Variants in GPC1 observed in about 807,000 individuals in gnomAD.
GPC1 encodes the protein glypican 1.
Under a neutral mutation model 51.5 loss-of-function variants are expected in GPC1, and 26 were observed. The ratio of observed to expected loss-of-function variants is 0.50; its 90% CI spans 0.37 to 0.70. The LOEUF (loss-of-function observed/expected upper bound fraction) is 0.70. Ranked by LOEUF, GPC1 falls within the 30% of genes least tolerant of loss-of-function variation. The probability of loss-of-function intolerance (pLI) is 0.00; values close to 1 mark genes in which losing one functional copy is unlikely to be tolerated. For synonymous variants in GPC1, 380 were observed against 348.3 expected, an observed-to-expected ratio of 1.09 and a Z score of -1.01; for missense variants, 775 against 800.5, an observed-to-expected ratio of 0.97 and a Z score of 0.38.
intron 1 of GPC1, chr2:240,457,933 G>C: frequency 4.8e-6 from 2 of 415,982 alleles, no homozygotes; most frequent in Non-Finnish European, 1.0e-5. Flanking sequence ...CCACCCCTCT[G>C]ACCAAGCCAG....
intron 2 of GPC1, 114 bp downstream of exon 2, chr2:240,459,302 G>A: frequency 9.6e-7 from 1 of 1,043,632 alleles, no homozygotes; most frequent in Non-Finnish European, 1.4e-6. Flanking sequence ...GGCAGGAGGA[G>A]GTGGGGGAGT....
chr2:240,466,515 GC>G lies in GPC1; in HGVS notation c.*228del, dbSNP rs920194889. On this transcript the variant is annotated 3_prime_UTR_variant, in exon 9 of 9. Coordinates refer to ENST00000264039, the MANE Select transcript of GPC1 (RefSeq NM_002081.3). ...CCTCAGGTCAGCTGGGAGCCAGTGT[GC>G]CCAAAAGCCATGTATTTCAGGGACC... The G allele has an allele frequency of 1.8e-6, 1 of 554,858 alleles. No individual in the cohort carries two copies. The highest frequency in any genetic ancestry group is 3.2e-6 in the Non-Finnish European group (1 of 313,034). The allele number at this position is 554,858 out of a possible 1,614,324, so 34.4% of individuals were successfully genotyped here.
intron 1 of GPC1, chr2:240,449,906 AT>A (rs1424706978): frequency 2.1e-6 from 1 of 470,518 alleles, no homozygotes; most frequent in Non-Finnish European, 4.4e-6. Context: ...GATTAATCCT[AT>A]TCCATTGTAT....
At chr2:240,444,251 C>T (rs1431517419) in intron 1 of GPC1, among the ~76,000 whole-genome samples, 3 of 152,226 alleles carry the variant, frequency 2.0e-5, no homozygotes, top group Non-Finnish European at 2.9e-5. Context: ...GCCTGCTGTC[C>T]TGGCTCCTCC....
chr2:240,449,642 C>T (rs1033023346), intron 1 of GPC1: 2 of 328,148 alleles, frequency 6.1e-6, no homozygotes, highest in Non-Finnish European at 1.2e-5. Context: ...CCGTCACCCC[C>T]ATCCAGCTCC....
At chr2:240,456,239 T>G (rs1304548966) in intron 1 of GPC1, 4 of 250,456 alleles carry the variant, frequency 1.6e-5, no homozygotes, top group South Asian at 3.4e-5. Flanking sequence ...AACCTGCAGG[T>G]GGGGGGAGCT....
In GPC1 at chr2:240,466,043, T is replaced by G. The variant is rs772828834; in HGVS notation, c.1445-15T>G. ...CTGTGGGGACCTGCCTGCCGGAGCC[T>G]CCTCTCCTTCCCAGGTGACGACGGC... is the stretch of plus-strand genomic sequence containing the variant. On this transcript the variant is annotated splice_polypyrimidine_tract_variant and intron_variant, in intron 8 of 8. Transcript: ENST00000264039. The G allele has an allele frequency of 8.3e-6, 13 of 1,573,646 alleles. No individual in the cohort carries two copies. In the East Asian group the frequency reaches 9.0e-5, roughly 11 times the overall value.
chr2:240,450,391 G>A lies in GPC1; in HGVS notation c.167-8639G>A, dbSNP rs142677254. Reference sequence around the variant, plus strand: ...GGCAGGCTGCAGGGTTGGGGAGGCGGGGGATGCTAAGGCTGTTCCTCGTGC... The same window carrying A: ...GGCAGGCTGCAGGGTTGGGGAGGCGAGGGATGCTAAGGCTGTTCCTCGTGC... On this transcript the variant is annotated intron_variant, in intron 1 of 8. Coordinates refer to ENST00000264039, the MANE Select transcript of GPC1 (RefSeq NM_002081.3). 6.7e-3 allele frequency: 2,342 copies of A among 348,664 alleles called. 13 individuals carry two copies. The highest frequency in any genetic ancestry group is 0.012 in the Middle Eastern group (23 of 1,914). 21.6% of individuals were successfully genotyped at this position (348,664 alleles called of 1,614,324 possible). A position where few individuals can be genotyped will look rare whatever the true frequency, so the allele number is the denominator to read the frequency against.
At position 240,436,058 on chromosome 2, in the gene GPC1, G is replaced by A. The variant is rs371651045; in HGVS notation, c.140G>A (p.Ser47Asn). ...TACGGAGCCAAGGGCTTCAGCCTGA[G>A]CGACGTGCCCCAGGCGGAGATCTCG... Reference protein sequence around the residue: ...QIYGAKGFSLSDVPQAEISGE... With the variant: ...QIYGAKGFSLNDVPQAEISGE... The change falls in exon 1 of 9, where the codon AGC (serine) becomes AAC (asparagine). Residue 47 changes from serine to asparagine, a missense_variant. Ser to Asn is a conservative substitution (Grantham distance 46, BLOSUM62 1). Transcript: ENST00000264039. 1.3e-5 allele frequency: 17 copies of A among 1,333,778 alleles called. No homozygotes were observed. Among genetic ancestry groups the A allele is most frequent in the Non-Finnish European group, 1.5e-5 (16 of 1,040,034 alleles). The allele number at this position is 1,333,778 out of a possible 1,614,324, so 82.6% of individuals were successfully genotyped here.
intron 1 of GPC1, among the ~76,000 whole-genome samples, chr2:240,437,216 A>T (rs1378036013): frequency 1.3e-5 from 2 of 151,930 alleles, no homozygotes; most frequent in Non-Finnish European, 2.9e-5. Context: ...GGATCCGTGC[A>T]TCTGGGTGAG....
At chr2:240,450,933 T>TGAG (rs2074093359) in intron 1 of GPC1, 1 of 386,458 alleles carries the variant, frequency 2.6e-6, no homozygotes, top group African/African-American at 2.3e-5. Context: ...CTGAGGGAGG[T>TGAG]GAGGGGAAAG....
intron 1 of GPC1, chr2:240,457,314 C>G (rs1010164218): frequency 2.6e-5 from 11 of 425,954 alleles, no homozygotes; most frequent in African/African-American, 2.2e-4. Context: ...GTCATGTCAG[C>G]AGGCACAGAG....
Position 240,466,046 on chromosome 2 carries a change from T to TC in GPC1, c.1445-11dup. ...TGGGGACCTGCCTGCCGGAGCCTCC[T>TC]CTCCTTCCCAGGTGACGACGGCAGC... On this transcript the variant is annotated splice_polypyrimidine_tract_variant and intron_variant, in intron 8 of 8. Coordinates refer to ENST00000264039, the MANE Select transcript of GPC1 (RefSeq NM_002081.3). The TC allele has an allele frequency of 6.3e-7, 1 of 1,585,832 alleles. No homozygotes were observed. The highest frequency in any genetic ancestry group is 8.6e-7 in the Non-Finnish European group (1 of 1,156,826).
chr2:240,465,762 C>A, intron 8 of GPC1, 114 bp downstream of exon 8: 1 of 856,932 alleles, frequency 1.2e-6, no homozygotes, highest in Non-Finnish European at 1.8e-6. Context: ...CCGGCATCAC[C>A]ACAGTGAGTC....
intron 1 of GPC1, among the ~76,000 whole-genome samples, chr2:240,440,984 C>T (rs1235392715): frequency 2.0e-5 from 3 of 152,284 alleles, no homozygotes; most frequent in Non-Finnish European, 2.9e-5. Flanking sequence ...CCACACTGGG[C>T]CAAGTGCCCC....
intron 1 of GPC1, chr2:240,452,941 T>C: frequency 3.1e-6 from 1 of 317,686 alleles, no homozygotes; most frequent in Non-Finnish European, 6.3e-6. Flanking sequence ...CCGGCCCCGC[T>C]CCGCCGCCTT....
intron 1 of GPC1, chr2:240,451,382 G>A (rs2074098722): frequency 2.4e-6 from 1 of 410,002 alleles, no homozygotes; most frequent in South Asian, 1.9e-5. Flanking sequence ...GGCCTCCTTG[G>A]GTGCCTGTGG....
At chr2:240,456,393 C>T (rs180766582) in intron 1 of GPC1, among the ~76,000 whole-genome samples, 3 of 152,272 alleles carry the variant, frequency 2.0e-5, no homozygotes, top group Non-Finnish European at 2.9e-5. Context: ...ACGCCACCCA[C>T]CCTCCTCCCT....
intron 1 of GPC1, chr2:240,450,974 A>G (rs1303107047): frequency 2.5e-6 from 1 of 403,532 alleles, no homozygotes; most frequent in Admixed American, 2.8e-5. Context: ...GGCAGGTCAC[A>G]GCTGGGTGGG....
Sources: gnomAD v4.1 joint callset for allele counts (sites outside exome capture counted in the v4.1 genomes callset) on GRCh38, gnomAD v4.1.1 for gene constraint, MANE v1.5 for transcripts, NCBI Gene and HGNC (gene_info 2026-07-23, HGNC 2026-07-21) for gene names.